Variants in LAMTOR3 observed in about 807,000 individuals in gnomAD.
The protein encoded by LAMTOR3 is late endosomal/lysosomal adaptor, MAPK and MTOR activator 3, also known as ragulator complex protein LAMTOR3.
LAMTOR3 carries 14 observed loss-of-function variants against 20.3 expected under a neutral mutation model. The observed-to-expected ratio is 0.69, with a 90% confidence interval of 0.46 to 1.08. LAMTOR3 has a LOEUF of 1.08. Among genes scored for constraint, LAMTOR3 ranks in the 50% least tolerant of loss-of-function variants. The pLI is 0.00. For synonymous variants in LAMTOR3, 40 were observed against 49.4 expected, an observed-to-expected ratio of 0.81 and a Z score of 0.80; for missense variants, 125 against 143.7, an observed-to-expected ratio of 0.87 and a Z score of 0.67.
chr4:99,882,093 A>C (rs1162702472), intron 6 of LAMTOR3, 26 bp from the exon 7 acceptor site: 2 of 1,424,948 alleles, frequency 1.4e-6, no homozygotes, highest in African/African-American at 2.9e-5. Context: ...TAAGAAAATT[A>C]CATGTTAGAA....
At chr4:99,887,144 T>C (rs954537116) in intron 4 of LAMTOR3, 152 bp downstream of exon 4, 7 of 453,710 alleles carry the variant, frequency 1.5e-5, no homozygotes, top group Admixed American at 1.3e-4. Flanking sequence ...ACCTTCAACA[T>C]ACAAAAGCAA....
rs570988964 is a variant in LAMTOR3, at chr4:99,881,242, A to G, written c.*752T>C. On this transcript the variant is annotated 3_prime_UTR_variant, in exon 7 of 7. Transcript: ENST00000499666. ...AATACTATTTTATTTTTACTCACAT[A>G]TGAAAAAAATGGCTGTACTATCATG... The G allele has an allele frequency of 6.6e-6, 1 of 152,346 alleles. No individual in the cohort carries two copies. Among genetic ancestry groups the G allele is most frequent in the South Asian group, 2.1e-4 (1 of 4,830 alleles). 9.4% of individuals were successfully genotyped at this position (152,346 alleles called of 1,614,324 possible).
intron 2 of LAMTOR3, among the ~76,000 whole-genome samples, chr4:99,893,613 T>C (rs1560723011): frequency 6.6e-6 from 1 of 152,190 alleles, no homozygotes. Flanking sequence ...ACTGACCAAA[T>C]TCTGACAGGA....
rs572081915 is a variant in LAMTOR3 at position 99,881,595 on chromosome 4, C to A, written c.*399G>T. Reference sequence around the variant, plus strand: ...AGAAAAATATGTCCTTATTATTATTCACAATAAAAAGTTGGCTTTATTCTG... The same window carrying A: ...AGAAAAATATGTCCTTATTATTATTAACAATAAAAAGTTGGCTTTATTCTG... On this transcript the variant is annotated 3_prime_UTR_variant, in exon 7 of 7. Transcript: ENST00000499666. 17 of 160,980 alleles carry A rather than the reference C, an allele frequency of 1.1e-4. No homozygotes were observed. The South Asian group carries it at 3.2e-3, about 31-fold the overall frequency. The allele number at this position is 160,980 out of a possible 1,614,324, so 10.0% of individuals were successfully genotyped here.
At chr4:99,893,813 T>C (rs1238196131) in intron 2 of LAMTOR3, 142 bp downstream of exon 2, 2 of 553,850 alleles carry the variant, frequency 3.6e-6, no homozygotes, top group East Asian at 3.1e-5. Flanking sequence ...ACTTCAGATA[T>C]CAGAGAAAAT....
intron 3 of LAMTOR3, among the ~76,000 whole-genome samples, chr4:99,889,955 A>C (rs2110182644): frequency 6.6e-6 from 1 of 152,240 alleles, no homozygotes; most frequent in East Asian, 1.9e-4. Context: ...AATTACTTAC[A>C]CTCTTAAGTA....
In LAMTOR3 at chr4:99,881,865, T is replaced by C. The variant is rs1724833228; in HGVS notation, c.*129A>G. 3 of 663,684 alleles carry C rather than the reference T, an allele frequency of 4.5e-6. No homozygotes were observed. The highest frequency in any genetic ancestry group is 8.0e-6 in the Non-Finnish European group (3 of 373,522). The allele number at this position is 663,684 out of a possible 1,614,324, so 41.1% of individuals were successfully genotyped here. A position where few individuals can be genotyped will look rare whatever the true frequency, so the allele number is the denominator to read the frequency against. On this transcript the variant is annotated 3_prime_UTR_variant, in exon 7 of 7. Coordinates refer to ENST00000499666, the MANE Select transcript of LAMTOR3 (RefSeq NM_021970.4). ...AAATTACATCTATATGCTAGCTCTT[T>C]AGTATAAGTTGGAAAAAGGGGCCCT...
chr4:99,894,513 G>T (rs989187220), upstream of LAMTOR3: 20 of 151,628 alleles, frequency 1.3e-4, no homozygotes, highest in Admixed American at 5.9e-4. Context: ...CGGAAGCTGC[G>T]AGGGCGCGTC....
At chr4:99,894,058 A>G (rs575748593) in intron 1 of LAMTOR3, 58 bp from the exon 2 acceptor site, 1 of 1,094,896 alleles carries the variant, frequency 9.1e-7, no homozygotes, top group African/African-American at 1.6e-5. Context: ...CTCCCCACCC[A>G]CAACTTAATA....
At position 99,882,006 on chromosome 4, in the gene LAMTOR3, C is replaced by T; in HGVS notation, c.363G>A (p.Val121=). The change falls in exon 7 of 7, where the codon GTG becomes GTA. Residue 121 remains valine, a synonymous_variant. Transcript: ENST00000499666. ...APLFEELRQV[V]EVS ...AACCACTGTCAGATTAAGAAACTTC[C>T]ACAACTTGTCTCAGTTCTTCAAACA... is the stretch of plus-strand genomic sequence containing the variant. 1 of 1,603,658 alleles carries T rather than the reference C, an allele frequency of 6.2e-7. No homozygotes were observed. The highest frequency in any genetic ancestry group is 2.3e-5 in the East Asian group (1 of 44,194).
At chr4:99,883,883 G>A (rs1226031480) in intron 6 of LAMTOR3, among the ~76,000 whole-genome samples, 179 bp downstream of exon 6, 1 of 151,612 alleles carries the variant, frequency 6.6e-6, no homozygotes, top group Admixed American at 6.6e-5. Context: ...ATACAGATAT[G>A]GAAACCAGGA....
Position 99,882,082 on chromosome 4 carries a change from T to C in LAMTOR3, c.302-15A>G. The stretch of plus-strand genomic sequence containing the variant: ...GACAATTAGTCCTAAAATAAAGAGA[T>C]TAAGAAAATTACATGTTAGAAAAAT... On this transcript the variant is annotated splice_polypyrimidine_tract_variant and intron_variant, in intron 6 of 6. Transcript: ENST00000499666. 1 of 1,499,684 alleles carries C rather than the reference T, an allele frequency of 6.7e-7. No homozygotes were observed. Among genetic ancestry groups the C allele is most frequent in the East Asian group, 2.4e-5 (1 of 42,464 alleles). 92.9% of individuals were successfully genotyped at this position (1,499,684 alleles called of 1,614,324 possible). A position where few individuals can be genotyped will look rare whatever the true frequency, so the allele number is the denominator to read the frequency against.
intron 6 of LAMTOR3, among the ~76,000 whole-genome samples, chr4:99,882,588 T>C (rs1724848048): frequency 6.6e-6 from 1 of 152,088 alleles, no homozygotes; most frequent in Non-Finnish European, 1.5e-5. Flanking sequence ...AAGGAAAATC[T>C]TAATTTATAC....
In LAMTOR3 at chr4:99,883,545, C is replaced by T. The variant is rs562325756; in HGVS notation, c.301+517G>A. 5.3e-5 allele frequency among the ~76,000 whole-genome samples: 8 copies of T among 152,048 alleles called. No homozygotes were observed. The East Asian group carries it at 1.2e-3, about 22-fold the overall frequency. On this transcript the variant is annotated intron_variant, in intron 6 of 6. Transcript: ENST00000499666. ...GCTTCCTAGCATTTGTTCTCAAATT[C>T]TTCAGTTCTCAAGAAGAGTGAGACT... is the stretch of plus-strand genomic sequence containing the variant.
At position 99,894,016 on chromosome 4, in the gene LAMTOR3, C is replaced by T. The variant is rs1725075002; in HGVS notation, c.-37-16G>A. The T allele has an allele frequency of 3.4e-6, 5 of 1,484,790 alleles. No homozygotes were observed. Among genetic ancestry groups the T allele is most frequent in the Middle Eastern group, 1.8e-4 (1 of 5,578 alleles). 92.0% of individuals were successfully genotyped at this position (1,484,790 alleles called of 1,614,324 possible). The stretch of plus-strand genomic sequence containing the variant: ...ATCTCCACGCCTGGAAGAGAAACTC[C>T]CGGTGACTCTTCCCTCTTTGGCTTC... On this transcript the variant is annotated splice_polypyrimidine_tract_variant and intron_variant, in intron 1 of 6. Coordinates refer to ENST00000499666, the MANE Select transcript of LAMTOR3 (RefSeq NM_021970.4).
chr4:99,889,697 C>G (rs1348435856), intron 3 of LAMTOR3, among the ~76,000 whole-genome samples: 1 of 152,136 alleles, frequency 6.6e-6, no homozygotes, highest in Non-Finnish European at 1.5e-5. Flanking sequence ...TGGGCAGCTT[C>G]TCACTCTATG....
Position 99,881,971 on chromosome 4 carries a change from T to G in LAMTOR3, c.*23A>C. 6.8e-7 allele frequency: 1 copy of G among 1,471,076 alleles called. No homozygotes were observed. The highest frequency in any genetic ancestry group is 2.3e-5 in the East Asian group (1 of 43,870). 91.1% of individuals were successfully genotyped at this position (1,471,076 alleles called of 1,614,324 possible). ...TTGTGTTGTTATAATGAAGATAAGG[T>G]ACACACTGAAACCACTGTCAGATTA... On this transcript the variant is annotated 3_prime_UTR_variant, in exon 7 of 7. Coordinates refer to ENST00000499666, the MANE Select transcript of LAMTOR3 (RefSeq NM_021970.4).
intron 4 of LAMTOR3, among the ~76,000 whole-genome samples, chr4:99,886,030 C>T (rs1286343652): frequency 1.3e-5 from 2 of 152,160 alleles, no homozygotes; most frequent in Non-Finnish European, 2.9e-5. Context: ...AGTTACAAAA[C>T]TTCTGCTCTT....
At chr4:99,882,972 T>C (rs1724856005) in intron 6 of LAMTOR3, among the ~76,000 whole-genome samples, 1 of 152,002 alleles carries the variant, frequency 6.6e-6, no homozygotes, top group Admixed American at 6.6e-5. Flanking sequence ...TTCTCTGTCT[T>C]ATAGAATATA....
Sources: gnomAD v4.1 joint callset for allele counts (sites outside exome capture counted in the v4.1 genomes callset) on GRCh38, gnomAD v4.1.1 for gene constraint, MANE v1.5 for transcripts, NCBI Gene and HGNC (gene_info 2026-07-23, HGNC 2026-07-21) for gene names.